SLC25A21: variants seen among roughly 807,000 people sequenced by gnomAD.
SLC25A21 encodes solute carrier family 25 member 21.
Under a neutral mutation model 43.8 loss-of-function variants are expected in SLC25A21, and 47 were observed. That is an observed-to-expected ratio of 1.07 (90% CI 0.85 to 1.37). SLC25A21 has a LOEUF of 1.37. Among genes scored for constraint, SLC25A21 ranks in the 40% most tolerant of loss-of-function variants. The pLI is 0.00. For synonymous variants in SLC25A21, 131 were observed against 121.3 expected, an observed-to-expected ratio of 1.08 and a Z score of -0.52; for missense variants, 352 against 350.2, an observed-to-expected ratio of 1.00 and a Z score of -0.04.
At chr14:37,151,439 T>A (rs1322370867) in intron 1 of SLC25A21, among the ~76,000 whole-genome samples, 1 of 152,364 alleles carries the variant, frequency 6.6e-6, no homozygotes, top group Non-Finnish European at 1.5e-5. Context: ...ATACTTAAGC[T>A]ATGGCTGGCA....
chr14:36,949,787 A>G (rs906605469), intron 1 of SLC25A21, among the ~76,000 whole-genome samples: 2 of 152,332 alleles, frequency 1.3e-5, no homozygotes, highest in African/African-American at 4.8e-5. Flanking sequence ...AGGAAACAGG[A>G]GATGCTTTTC....
chr14:36,912,526 A>T (rs959228541), intron 1 of SLC25A21, among the ~76,000 whole-genome samples: 2 of 152,230 alleles, frequency 1.3e-5, no homozygotes, highest in African/African-American at 4.8e-5. Context: ...TGAAGGCATT[A>T]TTGAAGAGCT....
intron 7 of SLC25A21, among the ~76,000 whole-genome samples, chr14:36,685,140 A>C (rs372233131): frequency 7.9e-5 from 12 of 152,210 alleles, no homozygotes; most frequent in African/African-American, 2.7e-4. Flanking sequence ...GCTGAAGTAC[A>C]CATTTCCTCA....
At chr14:37,061,044 A>G (rs962354427) in intron 1 of SLC25A21, among the ~76,000 whole-genome samples, 1 of 152,168 alleles carries the variant, frequency 6.6e-6, no homozygotes, top group Non-Finnish European at 1.5e-5. Flanking sequence ...GGTTGGAAGA[A>G]AAAGCCCTCT....
intron 1 of SLC25A21, among the ~76,000 whole-genome samples, chr14:37,020,688 T>C (rs902925437): frequency 2.6e-5 from 4 of 151,932 alleles, no homozygotes; most frequent in African/African-American, 9.7e-5. Context: ...CTGTGGTATA[T>C]GCATTTTCAT....
intron 1 of SLC25A21, among the ~76,000 whole-genome samples, chr14:37,123,047 A>G (rs1029840886): frequency 6.6e-6 from 1 of 152,248 alleles, no homozygotes; most frequent in Non-Finnish European, 1.5e-5. Flanking sequence ...GTATTCACAG[A>G]TAAGCGGAAA....
At chr14:36,702,175 G>A (rs1883303172) in intron 7 of SLC25A21, among the ~76,000 whole-genome samples, 1 of 151,908 alleles carries the variant, frequency 6.6e-6, no homozygotes, top group South Asian at 2.1e-4. Context: ...CTTCTCTACT[G>A]GTTCTCCATG....
intron 3 of SLC25A21, among the ~76,000 whole-genome samples, chr14:36,773,725 T>C (rs1407671993): frequency 6.6e-6 from 1 of 152,188 alleles, no homozygotes; most frequent in Non-Finnish European, 1.5e-5. Context: ...TGTGGAGAGT[T>C]CTCACGTTGT....
At chr14:36,750,204 G>T (rs115871476) in intron 3 of SLC25A21, among the ~76,000 whole-genome samples, 3,503 of 152,246 alleles carry the variant, frequency 0.023, 151 homozygotes, top group African/African-American at 0.08. Context: ...CCTACCAAAT[G>T]TCCATTTTTT....
At chr14:36,958,193 T>G (rs1959392693) in intron 1 of SLC25A21, among the ~76,000 whole-genome samples, 1 of 151,950 alleles carries the variant, frequency 6.6e-6, no homozygotes, top group South Asian at 2.1e-4. Context: ...ACTGCCTCCA[T>G]CATCCCATAA....
At chr14:37,162,557 C>T (rs1343166209) in intron 1 of SLC25A21, among the ~76,000 whole-genome samples, 1 of 152,138 alleles carries the variant, frequency 6.6e-6, no homozygotes, top group Non-Finnish European at 1.5e-5. Flanking sequence ...CCATCACTGG[C>T]CATCAGAGAA....
chr14:36,821,748 T>A (rs1361795200), intron 2 of SLC25A21, among the ~76,000 whole-genome samples: 1 of 152,134 alleles, frequency 6.6e-6, no homozygotes, highest in Non-Finnish European at 1.5e-5. Flanking sequence ...ACCCAGGACA[T>A]GGAGGTTGCA....
At chr14:37,059,702 A>C (rs960262302) in intron 1 of SLC25A21, among the ~76,000 whole-genome samples, 1 of 152,216 alleles carries the variant, frequency 6.6e-6, no homozygotes, top group African/African-American at 2.4e-5. Flanking sequence ...TTCTTCTATA[A>C]TGGAAGTTTT....
At chr14:36,766,685 G>A in intron 3 of SLC25A21, among the ~76,000 whole-genome samples, 1 of 152,138 alleles carries the variant, frequency 6.6e-6, no homozygotes, top group Non-Finnish European at 1.5e-5. Context: ...GTTTCTCCAT[G>A]TATCGACTCT....
At chr14:37,093,528 C>T (rs572277532) in intron 1 of SLC25A21, among the ~76,000 whole-genome samples, 5 of 152,242 alleles carry the variant, frequency 3.3e-5, no homozygotes, top group African/African-American at 1.2e-4. Flanking sequence ...TAAATTGCAA[C>T]TGCAACTGAC....
chr14:36,985,011 T>C (rs527948565), intron 1 of SLC25A21, among the ~76,000 whole-genome samples: 8 of 151,408 alleles, frequency 5.3e-5, no homozygotes, highest in African/African-American at 1.7e-4. Flanking sequence ...AAATGATGAG[T>C]TCATGTCCTT....
At chr14:36,919,995 T>G (rs1436175061) in intron 1 of SLC25A21, among the ~76,000 whole-genome samples, 1 of 152,070 alleles carries the variant, frequency 6.6e-6, no homozygotes, top group Non-Finnish European at 1.5e-5. Context: ...CTCCAAACTT[T>G]TCCTTTGATT....
intron 1 of SLC25A21, among the ~76,000 whole-genome samples, chr14:37,121,605 C>T (rs976004756): frequency 2.3e-4 from 35 of 152,000 alleles, no homozygotes; most frequent in Middle Eastern, 3.4e-3. Context: ...CTGGCCAACA[C>T]GGTGAAATCT....
intron 1 of SLC25A21, among the ~76,000 whole-genome samples, chr14:37,145,371 A>C (rs1963645546): frequency 6.6e-6 from 1 of 150,862 alleles, no homozygotes; most frequent in Admixed American, 6.6e-5. Context: ...AGTAGCTGGA[A>C]CTCCATGCCT....
Sources: gnomAD v4.1 joint callset for allele counts (sites outside exome capture counted in the v4.1 genomes callset) on GRCh38, gnomAD v4.1.1 for gene constraint, MANE v1.5 for transcripts, NCBI Gene and HGNC (gene_info 2026-07-23, HGNC 2026-07-21) for gene names.